The following MAGOH variants were observed in gnomAD, a reference collection of about 807,000 sequenced individuals.
The protein encoded by MAGOH is mago homolog, exon junction complex subunit, also known as protein mago nashi homolog.
In MAGOH, 3 loss-of-function variants were observed where a neutral mutation model predicts 20.9. The ratio of observed to expected loss-of-function variants is 0.14; its 90% confidence interval spans 0.07 to 0.37. The LOEUF is 0.37. Among genes scored for constraint, MAGOH ranks in the 10% least tolerant of loss-of-function variants. MAGOH has a pLI of 1.00. For missense variants in MAGOH, 66 were observed against 178.1 expected, an observed-to-expected ratio of 0.37 and a Z score of 3.58; for synonymous variants, 51 against 61.0, an observed-to-expected ratio of 0.84 and a Z score of 0.76.
intron 3 of MAGOH, chr1:53,233,264 TTTTA>T (rs1206122585): frequency 3.8e-6 from 1 of 263,156 alleles, no homozygotes; most frequent in Non-Finnish European, 7.2e-6. Flanking sequence ...TGACAGTGGC[TTTTA>T]TTTTTTAGTT....
intron 4 of MAGOH, among the ~76,000 whole-genome samples, 175 bp downstream of exon 4, chr1:53,228,697 A>G (rs1006040927): frequency 3.3e-5 from 5 of 152,236 alleles, no homozygotes; most frequent in Non-Finnish European, 7.3e-5. Context: ...CAAAAGTAAT[A>G]GGAGCAAGTC....
chr1:53,235,450 G>T, intron 2 of MAGOH, 127 bp downstream of exon 2: 1 of 768,608 alleles, frequency 1.3e-6, no homozygotes, highest in African/African-American at 1.8e-5. Flanking sequence ...TCCAGAAGCT[G>T]TCTACAGACA....
chr1:53,230,098 G>A (rs1457470951), intron 3 of MAGOH, among the ~76,000 whole-genome samples: 5 of 152,286 alleles, frequency 3.3e-5, no homozygotes, highest in African/African-American at 4.8e-5. Flanking sequence ...ACTGGGTGCT[G>A]GCTATTGTTC....
chr1:53,228,820 T>C (rs750636843), intron 4 of MAGOH, 52 bp downstream of exon 4: 11 of 1,380,370 alleles, frequency 8.0e-6, no homozygotes, highest in African/African-American at 1.4e-5. Flanking sequence ...AGGTTTCTTA[T>C]CAATCTGCTC....
At position 53,235,770 on chromosome 1, in the gene MAGOH, T is replaced by G. The variant is rs571722777; in HGVS notation, c.89-135A>C. ...TGTCTAACAGATTTATTATTTACTC[T>G]TAAGGTATTTCAACAATACTAGTCT... On this transcript the variant is annotated intron_variant, in intron 1 of 4. Transcript: ENST00000371470. The G allele has an allele frequency of 9.2e-5, 63 of 687,618 alleles. No homozygotes were observed. In the South Asian group the frequency reaches 1.1e-3, roughly 12 times the overall value. The allele number at this position is 687,618 out of a possible 1,614,324, so 42.6% of individuals were successfully genotyped here.
chr1:53,236,949 CTTTTTT>C (rs55693928), intron 1 of MAGOH, among the ~76,000 whole-genome samples: 1 of 128,036 alleles, frequency 7.8e-6, no homozygotes, highest in East Asian at 2.3e-4. Flanking sequence ...CAACCAGTAT[CTTTTTT>C]TTTTTTTTTT....
In MAGOH at chr1:53,231,073, C is replaced by T. The variant is rs1645584029; in HGVS notation, c.259-2119G>A. Among the ~76,000 whole-genome samples the T allele has an allele frequency of 2.0e-5, 3 of 152,128 alleles. No individual in the cohort carries two copies. The South Asian group carries it at 6.2e-4, about 31-fold the overall frequency. On this transcript the variant is annotated intron_variant, in intron 3 of 4. Transcript: ENST00000371470. The stretch of plus-strand genomic sequence containing the variant: ...ATACTAATTTTATTCTCACTCTTTT[C>T]TCATATCATTTTTTAAATTCGGCAG...
At chr1:53,237,841 C>T (rs1186413593) in intron 1 of MAGOH, among the ~76,000 whole-genome samples, 4 of 152,166 alleles carry the variant, frequency 2.6e-5, no homozygotes, top group Non-Finnish European at 5.9e-5. Flanking sequence ...AGCTCATTCC[C>T]GCCCTGCAGC....
At chr1:53,228,393 C>T (rs12116608) in intron 4 of MAGOH, among the ~76,000 whole-genome samples, 41,320 of 151,954 alleles carry the variant, frequency 0.27, 6,385 homozygotes, top group East Asian at 0.45. Context: ...GATTGCGCCA[C>T]TGCACTCCAG....
rs763619997 is a variant in MAGOH, at chr1:53,233,637, T to A, written c.163A>T (p.Ser55Cys). The change falls in exon 3 of 5, where the codon AGC (serine) becomes TGC (cysteine). Residue 55 changes from serine (S) to cysteine (C), a missense_variant. Coordinates refer to ENST00000371470, the MANE Select transcript of MAGOH (RefSeq NM_002370.4). ...MIRKEAYVHK[S>C]VMEELKRIID... is the part of the protein sequence containing the mutation. ...ATTCTCTTCAGTTCCTCCATCACGC[T>A]TTTATGTACATAAGCCTGAACGCAA... 2 of 1,611,342 alleles carry A rather than the reference T, an allele frequency of 1.2e-6. No homozygotes were observed. Among genetic ancestry groups the A allele is most frequent in the African/African-American group, 2.7e-5 (2 of 74,856 alleles).
chr1:53,238,117 C>T (rs1274257659), intron 1 of MAGOH, among the ~76,000 whole-genome samples: 3 of 152,226 alleles, frequency 2.0e-5, no homozygotes, highest in African/African-American at 7.2e-5. Context: ...GTTTGTCTAC[C>T]TTCGCTGCCG....
intron 4 of MAGOH, 96 bp from the exon 5 acceptor site, chr1:53,227,240 G>A (rs1645564950): frequency 1.8e-6 from 1 of 553,552 alleles, no homozygotes; most frequent in Non-Finnish European, 3.2e-6. Flanking sequence ...GGTATATTAT[G>A]AGGTAATTTA....
At chr1:53,235,487 T>C in intron 2 of MAGOH, 90 bp downstream of exon 2, 1 of 1,110,766 alleles carries the variant, frequency 9.0e-7, no homozygotes, top group East Asian at 2.4e-5. Flanking sequence ...TTCTTTATCT[T>C]TCAATACTAC....
chr1:53,230,931 A>G (rs561037950), intron 3 of MAGOH, among the ~76,000 whole-genome samples: 7 of 152,334 alleles, frequency 4.6e-5, no homozygotes, highest in African/African-American at 1.7e-4. Flanking sequence ...TATTCCTATA[A>G]ACAATGTAGC....
chr1:53,231,106 T>C (rs1288647646), intron 3 of MAGOH, among the ~76,000 whole-genome samples: 1 of 152,200 alleles, frequency 6.6e-6, no homozygotes, highest in Non-Finnish European at 1.5e-5. Context: ...CAGATTTTTT[T>C]CTGTTTTTAT....
chr1:53,229,613 T>C (rs1167398108), intron 3 of MAGOH, among the ~76,000 whole-genome samples: 1 of 152,176 alleles, frequency 6.6e-6, no homozygotes, highest in Non-Finnish European at 1.5e-5. Flanking sequence ...AATACACCTA[T>C]GTTTTAAAAA....
At chr1:53,233,766 T>C in intron 2 of MAGOH, 114 bp from the exon 3 acceptor site, 1 of 725,984 alleles carries the variant, frequency 1.4e-6, no homozygotes, top group South Asian at 1.7e-5. Context: ...TGGCATCTCC[T>C]TAAGTGGGAA....
intron 1 of MAGOH, among the ~76,000 whole-genome samples, chr1:53,237,278 AAC>A (rs547129928): frequency 9.4e-4 from 143 of 151,702 alleles, no homozygotes; most frequent in Middle Eastern, 3.4e-3. Flanking sequence ...TGACAACTGC[AAC>A]AGTCTCCTAA....
At position 53,237,673 on chromosome 1, in the gene MAGOH, C is replaced by CAAAAAA. The variant is rs1231950502; in HGVS notation, c.88+682_88+687dup. On this transcript the variant is annotated intron_variant, in intron 1 of 4. Coordinates refer to ENST00000371470, the MANE Select transcript of MAGOH (RefSeq NM_002370.4). The stretch of plus-strand genomic sequence containing the variant: ...TGGGCAAAAAGAGCGAAAGCCGTCT[C>CAAAAAA]AAAAAAAAAAAAAAAAAAAAGGCCT... 2.2e-4 allele frequency among the ~76,000 whole-genome samples: 12 copies of CAAAAAA among 55,338 alleles called. 1 individual carries two copies. Among genetic ancestry groups the CAAAAAA allele is most frequent in the African/African-American group, 5.6e-4 (9 of 15,932 alleles). 36.3% of individuals were successfully genotyped at this position (55,338 alleles called of 152,430 possible). A position where few individuals can be genotyped will look rare whatever the true frequency, so the allele number is the denominator to read the frequency against.
Sources: allele counts gnomAD v4.1 joint callset (sites outside exome capture counted in the v4.1 genomes callset), GRCh38; gene constraint gnomAD v4.1.1; transcripts MANE v1.5; gene names NCBI Gene and HGNC (gene_info 2026-07-23, HGNC 2026-07-21).